Variants in AFG2A observed in about 807,000 individuals in gnomAD.
AFG2A encodes the protein AAA ATPase AFG2A.
At chr4:123,082,999 T>A in the AFG2A span, among the ~76,000 whole-genome samples, 1 of 152,172 alleles carries the variant, frequency 6.6e-6, no homozygotes, top group Admixed American at 6.5e-5. Flanking sequence ...CTTCATAGGT[T>A]AACCTTGTAT....
the AFG2A span, among the ~76,000 whole-genome samples, chr4:122,935,471 A>G: frequency 4.1e-5 from 6 of 146,150 alleles, no homozygotes; most frequent in Non-Finnish European, 6.0e-5. Flanking sequence ...GTGGGTGTCC[A>G]GTTTTTTTTT....
chr4:123,059,109 A>G, the AFG2A span, among the ~76,000 whole-genome samples: 1 of 145,870 alleles, frequency 6.9e-6, no homozygotes, highest in Non-Finnish European at 1.5e-5. Context: ...CCAGCAGGGC[A>G]GTCAAATCTT....
At chr4:123,065,818 A>T in the AFG2A span, among the ~76,000 whole-genome samples, 1 of 152,162 alleles carries the variant, frequency 6.6e-6, no homozygotes, top group Non-Finnish European at 1.5e-5. Flanking sequence ...AAAATATGAA[A>T]AAAAATTATC....
chr4:123,250,358 T>G, the AFG2A span, among the ~76,000 whole-genome samples: 5 of 152,176 alleles, frequency 3.3e-5, no homozygotes, highest in East Asian at 9.6e-4. Flanking sequence ...TAAACTAACA[T>G]GTTTACAGTA....
At chr4:123,144,824 G>A in the AFG2A span, among the ~76,000 whole-genome samples, 1 of 152,072 alleles carries the variant, frequency 6.6e-6, no homozygotes, top group Non-Finnish European at 1.5e-5. Context: ...GGTCATACTA[G>A]TTTATGAATA....
At chr4:123,044,493 A>G in the AFG2A span, among the ~76,000 whole-genome samples, 1 of 152,126 alleles carries the variant, frequency 6.6e-6, no homozygotes, top group East Asian at 1.9e-4. Context: ...TCCAAGCTTC[A>G]CCATAAATTT....
At chr4:122,986,784 C>T in the AFG2A span, among the ~76,000 whole-genome samples, 11 of 152,152 alleles carry the variant, frequency 7.2e-5, no homozygotes, top group East Asian at 1.9e-4. Flanking sequence ...GAGAAAATAA[C>T]GTGTATTCTG....
chr4:123,217,631 T>TACCCCTTCC, the AFG2A span, among the ~76,000 whole-genome samples: 2 of 152,216 alleles, frequency 1.3e-5, no homozygotes, highest in African/African-American at 4.8e-5. Flanking sequence ...ACTTGTGTCA[T>TACCCCTTCC]ACCCCTTCCA....
At chr4:122,959,134 A>C in the AFG2A span, among the ~76,000 whole-genome samples, 1 of 152,128 alleles carries the variant, frequency 6.6e-6, no homozygotes, top group Non-Finnish European at 1.5e-5. Flanking sequence ...GTACTTTGAG[A>C]ATCACTGATC....
At chr4:123,168,989 A>G in the AFG2A span, among the ~76,000 whole-genome samples, 1 of 152,314 alleles carries the variant, frequency 6.6e-6, no homozygotes, top group Admixed American at 6.5e-5. Context: ...CTGGTTAACT[A>G]GTGTCTGTCC....
the AFG2A span, chr4:122,927,903 T>C: frequency 8.6e-7 from 1 of 1,163,754 alleles, no homozygotes; most frequent in Non-Finnish European, 1.2e-6. Flanking sequence ...TTTGGGATGC[T>C]TAGCCAGTAA....
chr4:122,995,328 G>T, the AFG2A span, among the ~76,000 whole-genome samples: 1 of 151,992 alleles, frequency 6.6e-6, no homozygotes, highest in Non-Finnish European at 1.5e-5. Flanking sequence ...TTTGCTTCTT[G>T]TTGTCTAGAC....
At chr4:123,005,094 T>G in the AFG2A span, among the ~76,000 whole-genome samples, 1 of 152,204 alleles carries the variant, frequency 6.6e-6, no homozygotes, top group South Asian at 2.1e-4. Flanking sequence ...GTGTTTACTT[T>G]CTCTTTTCCT....
the AFG2A span, among the ~76,000 whole-genome samples, chr4:123,003,400 G>A: frequency 1.3e-5 from 2 of 152,160 alleles, no homozygotes; most frequent in African/African-American, 4.8e-5. Context: ...AGAGTTTCCA[G>A]TTTTTCTGCT....
chr4:122,992,980 G>GTGTGTGTGTGTGTGTGTGTGTGTGTA, the AFG2A span, among the ~76,000 whole-genome samples: 1 of 151,286 alleles, frequency 6.6e-6, no homozygotes, highest in Non-Finnish European at 1.5e-5. Context: ...GTGTGTATGT[G>GTGTGTGTGTGTGTGTGTGTGTGTGTA]TGTGTGTGTG....
At chr4:123,088,809 A>G in the AFG2A span, among the ~76,000 whole-genome samples, 1 of 152,170 alleles carries the variant, frequency 6.6e-6, no homozygotes, top group Non-Finnish European at 1.5e-5. Flanking sequence ...TCTCCCGGTC[A>G]TGCTTGCTGT....
chr4:122,986,073 T>G, the AFG2A span, among the ~76,000 whole-genome samples: 1 of 152,142 alleles, frequency 6.6e-6, no homozygotes, highest in African/African-American at 2.4e-5. Context: ...TTCATGTATT[T>G]GCATGGTTCT....
At chr4:122,986,506 C>T in the AFG2A span, among the ~76,000 whole-genome samples, 2 of 152,110 alleles carry the variant, frequency 1.3e-5, no homozygotes, top group African/African-American at 2.4e-5. Flanking sequence ...AATGGAAAAA[C>T]AAACATCATA....
the AFG2A span, among the ~76,000 whole-genome samples, chr4:123,018,800 A>AT: frequency 0.017 from 2,340 of 140,760 alleles, 53 homozygotes; most frequent in African/African-American, 0.049. Context: ...CGCCCAGCTA[A>AT]TTTTTTTTTT....
Sources: allele counts gnomAD v4.1 joint callset (sites outside exome capture counted in the v4.1 genomes callset), GRCh38; gene constraint gnomAD v4.1.1; transcripts MANE v1.5; gene names NCBI Gene and HGNC (gene_info 2026-07-23, HGNC 2026-07-21).